CCDC126: variants seen among roughly 807,000 people sequenced by gnomAD.
CCDC126 encodes coiled-coil domain containing 126.
CCDC126 carries 5 observed loss-of-function variants against 11.7 expected under a neutral mutation model. That is an observed-to-expected ratio of 0.43 (90% CI 0.22 to 0.90). CCDC126 has a LOEUF of 0.90. Among genes scored for constraint, CCDC126 ranks in the 40% least tolerant of loss-of-function variants. CCDC126 has a pLI of 0.27. For missense variants in CCDC126, 150 were observed against 163.1 expected, an observed-to-expected ratio of 0.92 and a Z score of 0.44; for synonymous variants, 60 against 61.9, an observed-to-expected ratio of 0.97 and a Z score of 0.14.
At chr7:23,608,284 TTGGAAC>T (rs1327437364) in intron 2 of CCDC126, among the ~76,000 whole-genome samples, 2 of 152,116 alleles carry the variant, frequency 1.3e-5, no homozygotes, top group Non-Finnish European at 2.9e-5. Context: ...GGTTGTTTCG[TTGGAAC>T]TGCAGAATGG....
At chr7:23,632,514 G>A (rs1008950764) in intron 3 of CCDC126, among the ~76,000 whole-genome samples, 4 of 152,152 alleles carry the variant, frequency 2.6e-5, no homozygotes, top group Non-Finnish European at 5.9e-5. Context: ...CTGTAAAAGG[G>A]CAACATAGGG....
In CCDC126 at chr7:23,612,659, T is replaced by A. The variant is rs1199334671; in HGVS notation, c.238+1106T>A. 2.6e-5 allele frequency among the ~76,000 whole-genome samples: 4 copies of A among 151,894 alleles called. No homozygotes were observed. In the East Asian group the frequency reaches 7.8e-4, roughly 29 times the overall value. The stretch of plus-strand genomic sequence containing the variant: ...CTGTACTCCAGCCTAGGCAAGAGAG[T>A]GAGACCTCATCTCTTAAGAAAAGTC... On this transcript the variant is annotated intron_variant, in intron 3 of 3. Coordinates refer to ENST00000307471, the MANE Select transcript of CCDC126 (RefSeq NM_138771.4).
At position 23,600,385 on chromosome 7, in the gene CCDC126, C is replaced by G. The variant is rs568807274; in HGVS notation, c.-146+2334C>G. Reference sequence around the variant, plus strand: ...TGTGTTCTGTGTTAACCCCCCCCCCCCCACCACCATATTAGCCTCAGGCAG... The same window carrying G: ...TGTGTTCTGTGTTAACCCCCCCCCCGCCACCACCATATTAGCCTCAGGCAG... On this transcript the variant is annotated intron_variant, in intron 2 of 3. Coordinates refer to ENST00000307471, the MANE Select transcript of CCDC126 (RefSeq NM_138771.4). Among the ~76,000 whole-genome samples the G allele has an allele frequency of 8.9e-4, 130 of 145,680 alleles. 1 individual carries two copies. Among genetic ancestry groups the G allele is most frequent in the Non-Finnish European group, 1.5e-3 (97 of 65,504 alleles).
rs114283291 is a variant in CCDC126 at position 23,616,703 on chromosome 7, G to A, written c.238+5150G>A. On this transcript the variant is annotated intron_variant, in intron 3 of 3. Transcript: ENST00000307471. ...ATCCTTTTTATGTGACTTAATTTTT[G>A]GAATCTTGTAAGGTCTGTGTCCCAC... 9.2e-3 allele frequency among the ~76,000 whole-genome samples: 1,405 copies of A among 152,114 alleles called. 24 individuals carry two copies. Among genetic ancestry groups the A allele is most frequent in the African/African-American group, 0.032 (1,342 of 41,494 alleles).
intron 3 of CCDC126, among the ~76,000 whole-genome samples, chr7:23,614,289 A>G (rs1034117102): frequency 1.3e-5 from 2 of 152,232 alleles, no homozygotes; most frequent in Admixed American, 6.5e-5. Flanking sequence ...CTTCACCAGT[A>G]GATTCCATCT....
At chr7:23,605,213 C>T (rs1284936691) in intron 2 of CCDC126, among the ~76,000 whole-genome samples, 1 of 152,044 alleles carries the variant, frequency 6.6e-6, no homozygotes, top group Non-Finnish European at 1.5e-5. Context: ...TTTTCCCTAG[C>T]ATGGGTTTAG....
At chr7:23,616,420 G>C (rs1782796573) in intron 3 of CCDC126, among the ~76,000 whole-genome samples, 1 of 152,110 alleles carries the variant, frequency 6.6e-6, no homozygotes, top group Admixed American at 6.5e-5. Flanking sequence ...GTTATCCCCT[G>C]ATTTTAAGGG....
At chr7:23,606,546 T>G (rs1251747932) in intron 2 of CCDC126, among the ~76,000 whole-genome samples, 1 of 152,160 alleles carries the variant, frequency 6.6e-6, no homozygotes, top group Non-Finnish European at 1.5e-5. Flanking sequence ...GGAATCCACT[T>G]GGAGGTGGTG....
chr7:23,616,053 A>G (rs939315142), intron 3 of CCDC126, among the ~76,000 whole-genome samples: 1 of 152,230 alleles, frequency 6.6e-6, no homozygotes. Flanking sequence ...GTGAAGTGCA[A>G]TAAAACAATG....
At chr7:23,641,351 ATTTATC>A (rs1228299625) in intron 3 of CCDC126, among the ~76,000 whole-genome samples, 1 of 151,990 alleles carries the variant, frequency 6.6e-6, no homozygotes, top group Admixed American at 6.6e-5. Context: ...TTAAAAATTG[ATTTATC>A]TTTTTGTTCG....
intron 3 of CCDC126, among the ~76,000 whole-genome samples, chr7:23,617,348 C>CAAA (rs35391703): frequency 3.6e-4 from 13 of 36,238 alleles, no homozygotes; most frequent in East Asian, 1.4e-3. Context: ...ATGCTGTCTC[C>CAAA]AAAAAAAAAA....
chr7:23,619,550 C>A, intron 3 of CCDC126: 1 of 272,110 alleles, frequency 3.7e-6, no homozygotes, highest in South Asian at 4.9e-5. Context: ...CTTGTTGATA[C>A]CAACTTTATT....
intron 2 of CCDC126, among the ~76,000 whole-genome samples, chr7:23,609,472 A>T (rs1042940350): frequency 2.0e-5 from 3 of 152,124 alleles, no homozygotes; most frequent in Non-Finnish European, 2.9e-5. Flanking sequence ...TGCCTGGACA[A>T]TTTCTAATTT....
chr7:23,617,342 T>A (rs1298220477), intron 3 of CCDC126, among the ~76,000 whole-genome samples: 1 of 108,790 alleles, frequency 9.2e-6, no homozygotes, highest in Non-Finnish European at 1.7e-5. Context: ...AGTGAGATGC[T>A]GTCTCCAAAA....
At position 23,615,560 on chromosome 7, in the gene CCDC126, T is replaced by C. The variant is rs138465395; in HGVS notation, c.238+4007T>C. ...CACAAGGCCTAGCTTTCAGCCTATC[T>C]CAGCTTTCAACATGCCTTCCTCACT... On this transcript the variant is annotated intron_variant, in intron 3 of 3. Transcript: ENST00000307471. Among the ~76,000 whole-genome samples, 1,224 of 152,370 alleles carry C rather than the reference T, an allele frequency of 8.0e-3. 6 individuals are homozygous for C. The highest frequency in any genetic ancestry group is 0.013 in the Non-Finnish European group (872 of 68,036).
intron 3 of CCDC126, among the ~76,000 whole-genome samples, chr7:23,623,043 A>G (rs1488762514): frequency 7.4e-6 from 1 of 134,316 alleles, no homozygotes. Context: ...GCACAATCTC[A>G]GCTCACTGCA....
chr7:23,634,879 T>G (rs1211189242), intron 3 of CCDC126, among the ~76,000 whole-genome samples: 3 of 152,170 alleles, frequency 2.0e-5, no homozygotes, highest in Non-Finnish European at 4.4e-5. Flanking sequence ...ACATTCTCCC[T>G]CTCTTCCACA....
intron 3 of CCDC126, among the ~76,000 whole-genome samples, chr7:23,628,036 A>G (rs1212324530): frequency 6.6e-6 from 1 of 152,210 alleles, no homozygotes; most frequent in Non-Finnish European, 1.5e-5. Context: ...AAAAATATAT[A>G]AATTATTGTA....
chr7:23,623,338 C>G (rs879823973), intron 3 of CCDC126, among the ~76,000 whole-genome samples: 30 of 151,948 alleles, frequency 2.0e-4, no homozygotes, highest in Non-Finnish European at 2.1e-4. Context: ...TGGCTCATGC[C>G]TGTGGTACAG....
Sources: gnomAD v4.1 joint callset for allele counts (sites outside exome capture counted in the v4.1 genomes callset) on GRCh38, gnomAD v4.1.1 for gene constraint, MANE v1.5 for transcripts, NCBI Gene and HGNC (gene_info 2026-07-23, HGNC 2026-07-21) for gene names.